The following GLI3 variants were observed in gnomAD, a reference collection of about 807,000 sequenced individuals.
GLI3 encodes the protein transcription activator GLI3.
A neutral mutation model predicts 100.8 loss-of-function variants in GLI3; 20 were observed. The observed-to-expected ratio is 0.20, with a 90% CI of 0.14 to 0.29. The LOEUF (loss-of-function observed/expected upper bound fraction) is 0.29, where lower values mean the gene tolerates loss of function less well. GLI3 is among the 10% of genes least tolerant of loss of function. The pLI is 1.00. For synonymous variants in GLI3, 938 were observed against 860.5 expected (o/e 1.09, Z -1.58); for missense variants, 2,040 against 2,128.5 (o/e 0.96, Z 0.82).
chr7:41,970,188 C>G (rs191106032), intron 13 of GLI3, among the ~76,000 whole-genome samples: 31 of 151,992 alleles, frequency 2.0e-4, no homozygotes, highest in South Asian at 1.5e-3. Flanking sequence ...GAAGTGAGAA[C>G]AAGACATTTA....
intron 3 of GLI3, among the ~76,000 whole-genome samples, chr7:42,123,460 G>A (rs982774318): frequency 1.4e-4 from 22 of 152,168 alleles, no homozygotes; most frequent in Non-Finnish European, 2.5e-4. Context: ...ATACAAGGGT[G>A]TATATATTTC....
chr7:42,121,256 C>T (rs1427958008), intron 3 of GLI3, among the ~76,000 whole-genome samples: 2 of 152,202 alleles, frequency 1.3e-5, no homozygotes. Context: ...AGCTTGTTAA[C>T]ACAGATTGCT....
rs764948143 is a variant in GLI3, at chr7:41,964,914, C to T, written c.4159G>A (p.Ala1387Thr). ...LAVVRGYQPC[A>T]SFGGSRRQAM... ...TGGCGCCTGCTGCCCCCAAAGCTGG[C>T]ACATGGCTGGTAGCCCCTGACAACT... is the stretch of plus-strand genomic sequence containing the variant. Residue 1387 changes from alanine to threonine, a missense_variant, in exon 15 of 15, where the codon GCC becomes ACC. Ala to Thr is a moderately conservative substitution (Grantham distance 58). Coordinates refer to ENST00000395925, the MANE Select transcript of GLI3 (RefSeq NM_000168.6). 2.5e-6 allele frequency: 4 copies of T among 1,613,826 alleles called. No homozygotes were observed. Among genetic ancestry groups the T allele is most frequent in the Non-Finnish European group, 3.4e-6 (4 of 1,180,044 alleles).
chr7:42,180,084 A>G (rs1285364515), intron 2 of GLI3, among the ~76,000 whole-genome samples: 1 of 152,056 alleles, frequency 6.6e-6, no homozygotes, highest in Non-Finnish European at 1.5e-5. Flanking sequence ...CCAGGTCTGA[A>G]CTCTGTGCTC....
intron 4 of GLI3, among the ~76,000 whole-genome samples, chr7:42,063,456 CAT>C (rs1784611849): frequency 6.6e-6 from 1 of 152,064 alleles, no homozygotes; most frequent in South Asian, 2.1e-4. Context: ...ATTATTCAGA[CAT>C]AGATTTTTTA....
chr7:42,175,164 A>G (rs979473326), intron 2 of GLI3, among the ~76,000 whole-genome samples: 25 of 152,194 alleles, frequency 1.6e-4, no homozygotes, highest in Admixed American at 1.6e-3. Context: ...TGTGATCAAC[A>G]AAGTGATAAA....
At chr7:42,200,143 A>G (rs1474811705) in intron 2 of GLI3, among the ~76,000 whole-genome samples, 1 of 152,234 alleles carries the variant, frequency 6.6e-6, no homozygotes, top group Non-Finnish European at 1.5e-5. Flanking sequence ...GGCAGCAGGT[A>G]GGAAAGAATA....
chr7:42,102,288 C>A (rs1207734790), intron 3 of GLI3, among the ~76,000 whole-genome samples: 1 of 152,142 alleles, frequency 6.6e-6, no homozygotes. Flanking sequence ...CCTCACTGCC[C>A]AAGACAGCCA....
chr7:42,047,439 G>C (rs1377819744), intron 5 of GLI3, among the ~76,000 whole-genome samples: 2 of 152,174 alleles, frequency 1.3e-5, no homozygotes, highest in Non-Finnish European at 2.9e-5. Context: ...TGAAATGCCT[G>C]GTGTTTCTCT....
chr7:42,210,337 AGCCC>A (rs2128696851), intron 2 of GLI3, among the ~76,000 whole-genome samples: 3 of 73,972 alleles, frequency 4.1e-5, no homozygotes, highest in Non-Finnish European at 5.3e-5. Flanking sequence ...CAAAAATGAA[AGCCC>A]CCCCCCCCCC....
intron 3 of GLI3, among the ~76,000 whole-genome samples, chr7:42,100,720 T>C (rs1040172231): frequency 6.6e-6 from 1 of 151,724 alleles, no homozygotes; most frequent in Admixed American, 6.6e-5. Flanking sequence ...CCAGTGTGGG[T>C]GACAGAGCAA....
intron 10 of GLI3, among the ~76,000 whole-genome samples, chr7:41,980,350 C>T (rs1055546578): frequency 1.6e-4 from 24 of 152,170 alleles, no homozygotes; most frequent in African/African-American, 4.3e-4. Context: ...ACGTTCAATC[C>T]GCACGTCTGC....
chr7:42,231,409 AC>A (rs954353464), intron 1 of GLI3, among the ~76,000 whole-genome samples: 2 of 152,158 alleles, frequency 1.3e-5, no homozygotes, highest in Non-Finnish European at 2.9e-5. Context: ...TGGTCCACTT[AC>A]CCTATAAACT....
rs1301551171 is a variant in GLI3, at chr7:42,262,221, CTTCT to C, written c.-43+1769_-43+1772del. Among the ~76,000 whole-genome samples the C allele has an allele frequency of 1.8e-3, 250 of 137,752 alleles. 10 individuals carry two copies. The highest frequency in any genetic ancestry group is 5.5e-3 in the African/African-American group (200 of 36,346). 90.4% of individuals were successfully genotyped at this position (137,752 alleles called of 152,430 possible). A position where few individuals can be genotyped will look rare whatever the true frequency, so the allele number is the denominator to read the frequency against. On this transcript the variant is annotated intron_variant, in intron 1 of 2. Transcript: ENST00000678978. ...TTTTCCTTCCTTCTTTCCTTCCTTC[CTTCT>C]TTCCTTCCTTCCTTCCTTCCTTTCT...
At chr7:42,160,483 C>A (rs147070892) in intron 2 of GLI3, among the ~76,000 whole-genome samples, 52 of 152,308 alleles carry the variant, frequency 3.4e-4, no homozygotes, top group African/African-American at 1.2e-3. Flanking sequence ...TACAATATTT[C>A]TAATAATTTT....
At chr7:42,131,053 A>G (rs1024835312) in intron 3 of GLI3, among the ~76,000 whole-genome samples, 2 of 152,232 alleles carry the variant, frequency 1.3e-5, no homozygotes, top group Admixed American at 1.3e-4. Flanking sequence ...CAGAATAAAG[A>G]GAATTTCACA....
intron 2 of GLI3, among the ~76,000 whole-genome samples, chr7:42,164,013 T>G (rs1787187168): frequency 6.6e-6 from 1 of 152,244 alleles, no homozygotes; most frequent in Non-Finnish European, 1.5e-5. Flanking sequence ...CTATGCAATT[T>G]TTTTTTCCTT....
At chr7:42,141,548 T>G (rs936696634) in intron 3 of GLI3, among the ~76,000 whole-genome samples, 6 of 152,104 alleles carry the variant, frequency 3.9e-5, no homozygotes, top group African/African-American at 1.4e-4. Flanking sequence ...GGCACATGTC[T>G]GTAATCCCAG....
At position 41,964,064 on chromosome 7, in the gene GLI3, GTTT is replaced by G. The variant is rs550264781; in HGVS notation, c.*263_*265del. ...TACTAAAAAGGGGGCGGGGCTTACA[GTTT>G]TTTTTTTTTTTTTTAAAAAGAGGGT... On this transcript the variant is annotated 3_prime_UTR_variant, in exon 15 of 15. Transcript: ENST00000395925. 5.4e-5 allele frequency: 11 copies of G among 205,504 alleles called. No homozygotes were observed. Among genetic ancestry groups the G allele is most frequent in the East Asian group, 1.3e-4 (1 of 7,680 alleles). The allele number at this position is 205,504 out of a possible 1,614,324, so 12.7% of individuals were successfully genotyped here.
Sources: gnomAD v4.1 joint callset for allele counts (sites outside exome capture counted in the v4.1 genomes callset) on GRCh38, gnomAD v4.1.1 for gene constraint, MANE v1.5 for transcripts, NCBI Gene and HGNC (gene_info 2026-07-23, HGNC 2026-07-21) for gene names.